The following VPS8 variants were observed in gnomAD, a reference collection of about 807,000 sequenced individuals.
The protein encoded by VPS8 is VPS8 subunit of CORVET complex.
VPS8 carries 129 observed loss-of-function variants against 216.4 expected under a neutral mutation model. The observed-to-expected ratio is 0.60, with a 90% confidence interval of 0.52 to 0.69. VPS8 has a LOEUF of 0.69. Ranked by LOEUF, VPS8 falls within the 30% of genes least tolerant of loss-of-function variation. The pLI is 0.00. For missense variants in VPS8, 1,531 were observed against 1,683.5 expected (o/e 0.91, Z 1.59); for synonymous variants, 571 against 565.4 (o/e 1.01, Z -0.14).
intron 46 of VPS8, among the ~76,000 whole-genome samples, chr3:185,042,661 T>C (rs1011147): frequency 0.26 from 39,302 of 152,116 alleles, 7,460 homozygotes; most frequent in African/African-American, 0.54. Flanking sequence ...GCCTGTGAAG[T>C]AGATACACTG....
At chr3:184,971,584 C>A in intron 39 of VPS8, 65 bp from the exon 40 acceptor site, 1 of 1,287,716 alleles carries the variant, frequency 7.8e-7, no homozygotes, top group Non-Finnish European at 1.1e-6. Flanking sequence ...TTTAACTTTT[C>A]ACAGAGGCTC....
intron 5 of VPS8, 72 bp downstream of exon 5, chr3:184,834,814 C>A: frequency 1.7e-6 from 2 of 1,153,132 alleles, no homozygotes; most frequent in Non-Finnish European, 2.5e-6. Flanking sequence ...GAGCATAGAA[C>A]AAAATACAGC....
intron 46 of VPS8, among the ~76,000 whole-genome samples, chr3:185,039,784 C>T (rs1759392772): frequency 6.6e-6 from 1 of 152,096 alleles, no homozygotes; most frequent in Non-Finnish European, 1.5e-5. Flanking sequence ...TAGTATGAAA[C>T]ATGCAGTAGA....
At chr3:184,968,378 A>G (rs1747768987) in intron 39 of VPS8, among the ~76,000 whole-genome samples, 1 of 152,100 alleles carries the variant, frequency 6.6e-6, no homozygotes, top group African/African-American at 2.4e-5. Context: ...GCTGGCTCTC[A>G]ATTCTTTTGG....
At chr3:184,842,884 C>CT (rs1268593083) in intron 7 of VPS8, among the ~76,000 whole-genome samples, 1 of 150,958 alleles carries the variant, frequency 6.6e-6, no homozygotes, top group Non-Finnish European at 1.5e-5. Context: ...AAGTTCAAAT[C>CT]TTAATAAAGA....
intron 29 of VPS8, chr3:184,922,497 A>T (rs1266400816): frequency 2.3e-6 from 1 of 444,166 alleles, no homozygotes; most frequent in Non-Finnish European, 4.5e-6. Flanking sequence ...AGTTGGTTAC[A>T]TTGTAATTTG....
intron 1 of VPS8, among the ~76,000 whole-genome samples, chr3:184,819,955 T>A (rs1352579381): frequency 6.6e-6 from 1 of 152,120 alleles, no homozygotes; most frequent in African/African-American, 2.4e-5. Context: ...TGTAAGTGGA[T>A]CATTATAAAG....
chr3:184,848,564 CTTT>C (rs35715889), intron 8 of VPS8, among the ~76,000 whole-genome samples: 17 of 87,202 alleles, frequency 1.9e-4, no homozygotes, highest in Admixed American at 1.1e-3. Flanking sequence ...TTCCTGTATT[CTTT>C]TTTTTTTTTT....
rs552748798 is a variant in VPS8 at position 184,935,713 on chromosome 3, C to G, written c.2899-533C>G. On this transcript the variant is annotated intron_variant, in intron 34 of 47. Coordinates refer to ENST00000625842, the MANE Select transcript of VPS8 (RefSeq NM_001009921.3). ...TTAAAAGTCTTATATTTGACAAATA[C>G]ATTTTATTAACAATGTTTAATTAAA... Among the ~76,000 whole-genome samples the G allele has an allele frequency of 1.2e-3, 177 of 152,320 alleles. 2 individuals carry two copies. Among genetic ancestry groups the G allele is most frequent in the African/African-American group, 4.1e-3 (170 of 41,586 alleles).
chr3:184,918,887 C>A (rs1016193059), intron 28 of VPS8, among the ~76,000 whole-genome samples: 1 of 152,140 alleles, frequency 6.6e-6, no homozygotes, highest in South Asian at 2.1e-4. Context: ...GTCTTCCTAT[C>A]TTCAGTCAGG....
rs916059012 is a variant in VPS8, at chr3:185,052,162, A to T, written c.*137A>T. On this transcript the variant is annotated 3_prime_UTR_variant, in exon 48 of 48. Coordinates refer to ENST00000625842, the MANE Select transcript of VPS8 (RefSeq NM_001009921.3). ...GGTTCCAAATTGGGCTTCTGTGCCC[A>T]GAGCGTCCACAGCACCATTCCCAGT... is the stretch of plus-strand genomic sequence containing the variant. The T allele has an allele frequency of 6.3e-6, 6 of 946,840 alleles. No individual in the cohort carries two copies. In the African/African-American group the frequency reaches 1.0e-4, roughly 16 times the overall value. 58.7% of individuals were successfully genotyped at this position (946,840 alleles called of 1,614,324 possible).
At chr3:184,813,210 C>CT (rs1227322176) in intron 1 of VPS8, among the ~76,000 whole-genome samples, 1 of 152,142 alleles carries the variant, frequency 6.6e-6, no homozygotes, top group African/African-American at 2.4e-5. Context: ...GCCCCCTCCA[C>CT]TTCTTAGATT....
chr3:184,875,056 C>CTTTTTT (rs5855044), intron 21 of VPS8, among the ~76,000 whole-genome samples: 5 of 100,290 alleles, frequency 5.0e-5, no homozygotes, highest in East Asian at 6.3e-4. Context: ...GTTTTTAAAA[C>CTTTTTT]TTTTTTTTTT....
At chr3:184,856,173 A>G (rs1725216334) in intron 14 of VPS8, among the ~76,000 whole-genome samples, 1 of 152,228 alleles carries the variant, frequency 6.6e-6, no homozygotes, top group Non-Finnish European at 1.5e-5. Flanking sequence ...CTACACTGTG[A>G]TGGGCACAAG....
In VPS8 at chr3:185,051,985, T is replaced by A; in HGVS notation, c.4247T>A (p.Phe1416Tyr). 1.2e-6 allele frequency: 2 copies of A among 1,613,520 alleles called. No homozygotes were observed. The highest frequency in any genetic ancestry group is 1.7e-6 in the Non-Finnish European group (2 of 1,179,734). ...AFNSIFQNEN[F>Y]QLQLIPPPVT... ...AACAGCATCTTCCAGAATGAGAACT[T>A]CCAGCTGCAGCTCATTCCTCCACCT... Residue 1416 changes from phenylalanine (F) to tyrosine (Y), a missense_variant, in exon 48 of 48, where the codon TTC becomes TAC. By Grantham distance (22) the Phe-to-Tyr change is conservative. This residue lies in a region of VPS8 where 1,318 missense variants were observed against 1,468.4 expected (regional missense o/e 0.90). Transcript: ENST00000625842.
intron 18 of VPS8, 21 bp downstream of exon 18, chr3:184,868,080 C>T (rs1560455664): frequency 6.2e-7 from 1 of 1,611,566 alleles, no homozygotes; most frequent in Non-Finnish European, 8.5e-7. Flanking sequence ...AGTAATTTCA[C>T]ATGTCAGAGT....
chr3:184,949,531 A>C lies in VPS8; in HGVS notation c.3036-7843A>C, dbSNP rs186621506. On this transcript the variant is annotated intron_variant, in intron 36 of 47. Transcript: ENST00000625842. ...CCTATATGCGGAAATACTGTTAGCT[A>C]TGTGGATCGTGGCGGTCTTGGTGGG... 1.2e-3 allele frequency among the ~76,000 whole-genome samples: 176 copies of C among 151,888 alleles called. 2 individuals carry two copies. The highest frequency in any genetic ancestry group is 4.1e-3 in the African/African-American group (170 of 41,434).
chr3:184,916,107 G>A (rs1300931409), intron 28 of VPS8, among the ~76,000 whole-genome samples: 1 of 152,140 alleles, frequency 6.6e-6, no homozygotes, highest in African/African-American at 2.4e-5. Flanking sequence ...ATGGAAGGGA[G>A]ATGCTGAAGG....
At chr3:184,942,388 T>A (rs1044266323) in intron 36 of VPS8, among the ~76,000 whole-genome samples, 1 of 152,206 alleles carries the variant, frequency 6.6e-6, no homozygotes, top group African/African-American at 2.4e-5. Flanking sequence ...ACATTATTCC[T>A]TTCCTGTCAT....
Sources: gnomAD v4.1 joint callset for allele counts (sites outside exome capture counted in the v4.1 genomes callset) on GRCh38, gnomAD v4.1.1 for gene constraint, gnomAD v4.1.1 regional missense constraint, MANE v1.5 for transcripts, NCBI Gene and HGNC (gene_info 2026-07-23, HGNC 2026-07-21) for gene names.